SSX1: variants seen among roughly 807,000 people sequenced by gnomAD.
SSX1 encodes SSX family member 1, also known as protein SSX1.
Under a neutral mutation model 14.6 loss-of-function variants are expected in SSX1, and 58 were observed. The ratio of observed to expected loss-of-function variants is 3.96; its 90% confidence interval spans 3.21 to 4.93. The LOEUF is 4.93. SSX1 is among the 30% of genes most tolerant of loss of function. The pLI is 0.00. For missense variants in SSX1, 272 were observed against 143.1 expected (o/e 1.90, Z -4.60); for synonymous variants, 46 against 52.1 (o/e 0.88, Z 0.50).
intron 1 of SSX1, among the ~76,000 whole-genome samples, chrX:48,256,263 G>T (rs782555778): frequency 9.6e-6 from 1 of 104,314 alleles, no homozygotes; most frequent in Non-Finnish European, 2.0e-5. Context: ...CTCGGCCTCG[G>T]AACTACAGGC....
chrX:48,260,456 A>G (rs1187810501), intron 4 of SSX1, among the ~76,000 whole-genome samples: 2 of 111,676 alleles, frequency 1.8e-5, no homozygotes, highest in African/African-American at 3.3e-5. Flanking sequence ...CTTTAGTTTA[A>G]TTAGATCCCA....
intron 4 of SSX1, among the ~76,000 whole-genome samples, chrX:48,260,051 A>G (rs1423681954): frequency 1.0e-5 from 1 of 98,663 alleles, no homozygotes; most frequent in Non-Finnish European, 2.1e-5. Context: ...TGGTTGAACT[A>G]GTTTACAGTC....
rs1556936616 is a variant in SSX1 at position 48,267,152 on chromosome X, T to C, written c.*303T>C. 1 of 364,370 alleles carries C rather than the reference T, an allele frequency of 2.7e-6. No homozygotes were observed. Among genetic ancestry groups the C allele is most frequent in the East Asian group, 4.8e-5 (1 of 20,742 alleles). 30.0% of individuals were successfully genotyped at this position (364,370 alleles called of 1,213,427 possible). On this transcript the variant is annotated 3_prime_UTR_variant, in exon 8 of 8. Coordinates refer to ENST00000376919, the MANE Select transcript of SSX1 (RefSeq NM_005635.4). ...TGCACCTACGTCAGAAAACAAGTAT[T>C]GTCAGGTATTCTCTCCATAGAACAG...
At chrX:48,262,206 G>A (rs1437503164) in intron 5 of SSX1, among the ~76,000 whole-genome samples, 21 of 112,185 alleles carry the variant, frequency 1.9e-4, no homozygotes, top group Admixed American at 7.6e-4. Context: ...TCCATGAAAT[G>A]GAAGTAAAGA....
intron 5 of SSX1, among the ~76,000 whole-genome samples, chrX:48,262,402 G>A (rs1480302995): frequency 5.3e-5 from 6 of 112,266 alleles, no homozygotes; most frequent in Admixed American, 2.8e-4. Context: ...TTGCTCACTA[G>A]GGCTTTACCC....
At chrX:48,263,951 G>A in intron 6 of SSX1, 34 bp downstream of exon 6, 1 of 1,201,784 alleles carries the variant, frequency 8.3e-7, no homozygotes. Context: ...AACTTCTCTG[G>A]CTTTTCTGGC....
chrX:48,264,003 G>T, intron 6 of SSX1, 86 bp downstream of exon 6: 3 of 1,154,008 alleles, frequency 2.6e-6, no homozygotes, highest in Non-Finnish European at 3.5e-6. Context: ...ATGGATCCCA[G>T]ACAAGCCTGG....
At chrX:48,265,410 T>C (rs2059619347) in intron 6 of SSX1, among the ~76,000 whole-genome samples, 1 of 111,621 alleles carries the variant, frequency 9.0e-6, no homozygotes, top group Admixed American at 9.6e-5. Flanking sequence ...CATTTTAGGA[T>C]TGTTAACTGT....
intron 5 of SSX1, among the ~76,000 whole-genome samples, chrX:48,263,131 A>AG (rs2059610926): frequency 1.1e-5 from 1 of 90,774 alleles, no homozygotes. Flanking sequence ...AGACTTTGTC[A>AG]AAAAAAAAAA....
intron 7 of SSX1, 33 bp downstream of exon 7, chrX:48,266,424 C>G (rs1556936493): frequency 8.3e-7 from 1 of 1,206,493 alleles, no homozygotes; most frequent in Non-Finnish European, 1.1e-6. Context: ...CTCCACATCC[C>G]TGCAGATGTG....
Position 48,261,764 on chromosome X carries a change from A to C in SSX1, c.281-2A>C, listed in dbSNP as rs782297412. On this transcript the variant is annotated splice_acceptor_variant, in intron 4 of 7. Transcript: ENST00000376919. LOFTEE classifies it high-confidence loss of function. ...GAAAAATTCTGATGTGTTCTCTTTC[A>C]GTTGAACATCCTCAGATGACTTTCG... 80 of 1,209,623 alleles carry C rather than the reference A, an allele frequency of 6.6e-5. No individual in the cohort carries two copies. The highest frequency in any genetic ancestry group is 8.9e-5 in the Non-Finnish European group (80 of 894,749).
intron 1 of SSX1, among the ~76,000 whole-genome samples, chrX:48,256,775 C>T (rs1390469816): frequency 9.1e-6 from 1 of 109,706 alleles, no homozygotes. Context: ...CCCCCCCATC[C>T]CTCTGCCTGA....
chrX:48,260,633 A>G (rs2059600726), intron 4 of SSX1, among the ~76,000 whole-genome samples: 1 of 111,525 alleles, frequency 9.0e-6, no homozygotes, highest in African/African-American at 3.3e-5. Flanking sequence ...TCAGCCCAAA[A>G]TCTCCTTAAG....
In SSX1 at chrX:48,258,587, TC is replaced by T. The variant is rs2059592641; in HGVS notation, c.238del (p.Gln80ArgfsTer20). 5.8e-6 allele frequency: 7 copies of T among 1,207,061 alleles called. No individual in the cohort carries two copies. Among genetic ancestry groups the T allele is most frequent in the African/African-American group, 1.8e-5 (1 of 56,706 alleles). On this transcript the variant is annotated frameshift_variant, in exon 4 of 8. Coordinates refer to ENST00000376919, the MANE Select transcript of SSX1 (RefSeq NM_005635.4). LOFTEE classifies it high-confidence loss of function. The stretch of plus-strand genomic sequence containing the variant: ...ATGTGTAATAAACAGGCCACAGACT[TC>T]CAGGGGAATGATTTTGATAATGACC... ...PFMCNKQATDFQGNDFDNDHN... is the reference protein window; with the variant it reads ...PFMCNKQATDXQGNDFDNDHN...
Position 48,258,547 on chromosome X carries a change from ACCCT to A in SSX1, c.200_203del (p.Leu67HisfsTer32). The A allele has an allele frequency of 1.7e-6, 2 of 1,205,835 alleles. No individual in the cohort carries two copies. Among genetic ancestry groups the A allele is most frequent in the Non-Finnish European group, 2.2e-6 (2 of 891,949 alleles). On this transcript the variant is annotated frameshift_variant, in exon 4 of 8. Coordinates refer to ENST00000376919, the MANE Select transcript of SSX1 (RefSeq NM_005635.4). LOFTEE classifies it high-confidence loss of function. ...TTGCTTCTTTCTAGGTTTCAAAGTC[ACCCT>A]CCCACCTTTCATGTGTAATAAACAG...
At chrX:48,263,240 C>T (rs1363621750) in intron 5 of SSX1, among the ~76,000 whole-genome samples, 4 of 111,103 alleles carry the variant, frequency 3.6e-5, no homozygotes, top group Non-Finnish European at 5.7e-5. Flanking sequence ...GTTGGTGCCT[C>T]GGTAGGGTGG....
Position 48,258,739 on chromosome X carries a change from T to G in SSX1, c.280+108T>G, listed in dbSNP as rs782798273. ...ATTTGTTCCCTCATACACATCAGGG[T>G]TGAGTGAAAAAAAAAATTGCATACA... On this transcript the variant is annotated intron_variant, in intron 4 of 7. Transcript: ENST00000376919. 227 of 612,668 alleles carry G rather than the reference T, an allele frequency of 3.7e-4. 2 individuals carry two copies. In the South Asian group the frequency reaches 7.1e-3, roughly 19 times the overall value. 50.5% of individuals were successfully genotyped at this position (612,668 alleles called of 1,213,427 possible). A position where few individuals can be genotyped will look rare whatever the true frequency, so the allele number is the denominator to read the frequency against.
intron 4 of SSX1, among the ~76,000 whole-genome samples, chrX:48,259,454 G>GTT (rs782210642): frequency 0.4 from 43,205 of 108,118 alleles, 6,671 homozygotes; most frequent in Non-Finnish European, 0.45. Context: ...GCTAAACACT[G>GTT]TTTTTTTTTA....
Position 48,267,429 on chromosome X carries a change from A to G in SSX1, c.*580A>G, listed in dbSNP as rs1441433635. On this transcript the variant is annotated 3_prime_UTR_variant, in exon 8 of 8. Coordinates refer to ENST00000376919, the MANE Select transcript of SSX1 (RefSeq NM_005635.4). Reference sequence around the variant, plus strand: ...TGTATCAGTCACTGACAGTTAATAAACCTTTGCAAACGTTCCCCAGTTGTT... The same window carrying G: ...TGTATCAGTCACTGACAGTTAATAAGCCTTTGCAAACGTTCCCCAGTTGTT... 3.3e-5 allele frequency: 5 copies of G among 152,517 alleles called. No homozygotes were observed. The highest frequency in any genetic ancestry group is 6.4e-5 in the Non-Finnish European group (5 of 77,844). 12.6% of individuals were successfully genotyped at this position (152,517 alleles called of 1,213,427 possible). A position where few individuals can be genotyped will look rare whatever the true frequency, so the allele number is the denominator to read the frequency against.
Sources: gnomAD v4.1 joint callset for allele counts (sites outside exome capture counted in the v4.1 genomes callset) on GRCh38, gnomAD v4.1.1 for gene constraint, MANE v1.5 for transcripts, NCBI Gene and HGNC (gene_info 2026-07-23, HGNC 2026-07-21) for gene names.